Variants in DRGX observed in about 807,000 individuals in gnomAD.
The protein encoded by DRGX is dorsal root ganglia homeobox, also known as dorsal root ganglia homeobox protein.
Under a neutral mutation model 28.6 loss-of-function variants are expected in DRGX, and 21 were observed. That is an observed-to-expected ratio of 0.73 (90% confidence interval 0.52 to 1.06). The LOEUF (loss-of-function observed/expected upper bound fraction) is 1.06. DRGX is among the 50% of genes least tolerant of loss of function. DRGX has a pLI of 0.00. For synonymous variants in DRGX, 136 were observed against 139.1 expected, an observed-to-expected ratio of 0.98 and a Z score of 0.16; for missense variants, 354 against 343.9, an observed-to-expected ratio of 1.03 and a Z score of -0.23.
intron 6 of DRGX, among the ~76,000 whole-genome samples, chr10:49,372,688 T>C (rs1564705028): frequency 1.3e-5 from 2 of 152,220 alleles, no homozygotes; most frequent in Admixed American, 1.3e-4. Context: ...ACACGAGACC[T>C]GCAACAGTAC....
chr10:49,395,312 G>C, intron 2 of DRGX, 95 bp downstream of exon 2: 1 of 1,478,372 alleles, frequency 6.8e-7, no homozygotes, highest in Non-Finnish European at 9.1e-7. Flanking sequence ...CCCCCGCAGG[G>C]CGGGGACCCA....
At chr10:49,385,315 G>C (rs946209399) in intron 6 of DRGX, among the ~76,000 whole-genome samples, 8 of 152,114 alleles carry the variant, frequency 5.3e-5, no homozygotes, top group African/African-American at 1.9e-4. Flanking sequence ...GGCTAAAAGG[G>C]CTCCACCTCT....
intron 6 of DRGX, among the ~76,000 whole-genome samples, chr10:49,371,706 C>T (rs1229988521): frequency 2.0e-5 from 3 of 148,584 alleles, no homozygotes; most frequent in Non-Finnish European, 4.4e-5. Flanking sequence ...GTAGGAGAAT[C>T]GCTTGAACCC....
intron 6 of DRGX, among the ~76,000 whole-genome samples, chr10:49,373,747 G>A (rs1032372430): frequency 1.3e-5 from 2 of 152,050 alleles, no homozygotes; most frequent in South Asian, 4.1e-4. Flanking sequence ...TAAGTCCCCG[G>A]GTTTACGGTA....
intron 1 of DRGX, 103 bp from the exon 2 acceptor site, chr10:49,395,624 C>T: frequency 5.8e-6 from 4 of 687,068 alleles, no homozygotes; most frequent in Non-Finnish European, 1.0e-5. Context: ...TCCCTCCCAA[C>T]GCCCTCATCT....
At position 49,390,811 on chromosome 10, in the gene DRGX, A is replaced by T. The variant is rs75907353; in HGVS notation, c.132+353T>A. The stretch of plus-strand genomic sequence containing the variant: ...TATCCAAGTCAGCCAACTTCCAGGG[A>T]TCCGGTTTTTCATCTCTGTACTGAG... On this transcript the variant is annotated intron_variant, in intron 3 of 6. Coordinates refer to ENST00000374139, the MANE Select transcript of DRGX (RefSeq NM_001276451.2). Among the ~76,000 whole-genome samples the T allele has an allele frequency of 8.0e-3, 1,065 of 132,872 alleles. 12 individuals carry two copies. The highest frequency in any genetic ancestry group is 0.024 in the African/African-American group (982 of 41,042). The allele number at this position is 132,872 out of a possible 152,430, so 87.2% of individuals were successfully genotyped here.
rs1365240628 is a variant in DRGX at position 49,366,371 on chromosome 10, C to G, written c.537G>C (p.Leu179=). ...SHVASLKGGP[L]CSCCVPDPMG... is the part of the protein sequence containing the mutation. ...TGGGGTCTGGGACGCAGCAAGAGCA[C>G]AGTGGGCCCCCTGGAAAAGGAAAAA... is the stretch of plus-strand genomic sequence containing the variant. Residue 179 remains leucine (L), a synonymous_variant, in exon 7 of 7, where the codon CTG becomes CTC. Coordinates refer to ENST00000374139, the MANE Select transcript of DRGX (RefSeq NM_001276451.2). The G allele has an allele frequency of 6.2e-7, 1 of 1,601,004 alleles. No homozygotes were observed. Among genetic ancestry groups the G allele is most frequent in the Non-Finnish European group, 8.5e-7 (1 of 1,170,668 alleles).
At chr10:49,393,588 TA>T (rs1264161973) in intron 2 of DRGX, among the ~76,000 whole-genome samples, 2 of 152,314 alleles carry the variant, frequency 1.3e-5, no homozygotes, top group South Asian at 4.1e-4. Context: ...AAAATTAAAA[TA>T]AAAAAGATGA....
Position 49,366,146 on chromosome 10 carries a change from C to T in DRGX, c.762G>A (p.Lys254=), listed in dbSNP as rs761028683. Residue 254 remains lysine (K), a synonymous_variant, in exon 7 of 7, where the codon AAG becomes AAA. Coordinates refer to ENST00000374139, the MANE Select transcript of DRGX (RefSeq NM_001276451.2). ...CACTCTTCTCTGCCTCGCTCTGTTC[C>T]TTGGTGGGAGAGGTCTTTTCCTGGC... is the stretch of plus-strand genomic sequence containing the variant. ...DGSQEKTSPT[K]EQSEAEKSV is the part of the protein sequence containing the mutation. The T allele has an allele frequency of 5.0e-6, 8 of 1,607,906 alleles. No homozygotes were observed. Among genetic ancestry groups the T allele is most frequent in the South Asian group, 3.3e-5 (3 of 90,192 alleles).
At chr10:49,384,868 C>T (rs1849814421) in intron 6 of DRGX, among the ~76,000 whole-genome samples, 1 of 152,208 alleles carries the variant, frequency 6.6e-6, no homozygotes, top group Admixed American at 6.5e-5. Flanking sequence ...ATCAGAGACG[C>T]CGTGGGAATC....
Position 49,377,875 on chromosome 10 carries a change from T to C in DRGX, c.526+8603A>G, listed in dbSNP as rs115886278. ...AACTTTTGGGGCAACCACAGTTAAA[T>C]AAAACCATACCAAAACCTGGAATGG... On this transcript the variant is annotated intron_variant, in intron 6 of 6. Coordinates refer to ENST00000374139, the MANE Select transcript of DRGX (RefSeq NM_001276451.2). Among the ~76,000 whole-genome samples the C allele has an allele frequency of 5.9e-3, 898 of 152,184 alleles. 10 individuals carry two copies. The highest frequency in any genetic ancestry group is 0.02 in the African/African-American group (847 of 41,522).
intron 6 of DRGX, among the ~76,000 whole-genome samples, chr10:49,380,936 C>T (rs1849767858): frequency 6.6e-6 from 1 of 152,206 alleles, no homozygotes; most frequent in South Asian, 2.1e-4. Flanking sequence ...GCCTCAAATG[C>T]TCTAGCTTGT....
chr10:49,386,581 T>C lies in DRGX; in HGVS notation c.423A>G (p.Arg141=). The part of the protein sequence containing the change: ...EALEAQQSLG[R]TVGPAGPFFP... ...AGAAAGGCCCTGCAGGACCTACCGT[T>C]CGCCCCAGGCTGGCAAAGGAAGGAG... The change falls in exon 6 of 7, where the codon CGA becomes CGG. Residue 141 remains arginine, a synonymous_variant. Transcript: ENST00000374139. 6.3e-7 allele frequency: 1 copy of C among 1,593,874 alleles called. No homozygotes were observed. The highest frequency in any genetic ancestry group is 8.5e-7 in the Non-Finnish European group (1 of 1,170,096).
At chr10:49,395,332 C>G in intron 2 of DRGX, 75 bp downstream of exon 2, 1 of 1,534,942 alleles carries the variant, frequency 6.5e-7, no homozygotes, top group Non-Finnish European at 8.8e-7. Context: ...AGCCACCCAC[C>G]AGCCCTGCTG....
intron 6 of DRGX, among the ~76,000 whole-genome samples, chr10:49,368,633 C>G (rs1849624050): frequency 6.6e-6 from 1 of 152,376 alleles, no homozygotes; most frequent in Non-Finnish European, 1.5e-5. Context: ...GGGGCCTTAT[C>G]TTCCTCCAAG....
At chr10:49,390,032 T>C in intron 4 of DRGX, 101 bp downstream of exon 4, 1 of 1,067,734 alleles carries the variant, frequency 9.4e-7, no homozygotes, top group Non-Finnish European at 1.3e-6. Flanking sequence ...ATAGTCTTCA[T>C]TTGCTTTCTT....
chr10:49,366,409 A>C, intron 6 of DRGX, 28 bp from the exon 7 acceptor site: 5 of 1,573,414 alleles, frequency 3.2e-6, no homozygotes, highest in Non-Finnish European at 4.3e-6. Context: ...ACAGGCTCCC[A>C]TCACTGTCTA....
Position 49,395,419 on chromosome 10 carries a change from G to T in DRGX, c.22C>A (p.Pro8Thr). MFYFHCP[P>T]QLEGTATFGN... ...AGCGCTTACTTACCCTCTAGCTGTGGCGGGCAGTGGAAATAAAACATCGCC... is the reference window on the plus strand; with the variant it reads ...AGCGCTTACTTACCCTCTAGCTGTGTCGGGCAGTGGAAATAAAACATCGCC... Residue 8 changes from proline (P) to threonine (T), a missense_variant, in exon 2 of 7, where the codon CCA becomes ACA. Coordinates refer to ENST00000374139, the MANE Select transcript of DRGX (RefSeq NM_001276451.2). The T allele has an allele frequency of 6.5e-7, 1 of 1,550,346 alleles. No homozygotes were observed. Among genetic ancestry groups the T allele is most frequent in the South Asian group, 1.2e-5 (1 of 84,068 alleles).
chr10:49,372,202 G>C (rs1485964837), intron 6 of DRGX, among the ~76,000 whole-genome samples: 1 of 152,214 alleles, frequency 6.6e-6, no homozygotes, highest in African/African-American at 2.4e-5. Flanking sequence ...TTGGCCGTGA[G>C]AGGAGCTAGG....
Sources: gnomAD v4.1 joint callset for allele counts (sites outside exome capture counted in the v4.1 genomes callset) on GRCh38, gnomAD v4.1.1 for gene constraint, MANE v1.5 for transcripts, NCBI Gene and HGNC (gene_info 2026-07-23, HGNC 2026-07-21) for gene names.